The following DNAH1 variants were observed in gnomAD, a reference collection of about 807,000 sequenced individuals.
DNAH1 encodes the protein dynein axonemal heavy chain 1.
A neutral mutation model predicts 484.3 loss-of-function variants in DNAH1; 327 were observed. That is an observed-to-expected ratio of 0.68 (90% CI 0.62 to 0.74). The LOEUF is 0.74. Among genes scored for constraint, DNAH1 ranks in the 30% least tolerant of loss-of-function variants. The pLI is 0.00. For synonymous variants in DNAH1, 2,192 were observed against 2,191.9 expected (o/e 1.00, Z 0.00); for missense variants, 5,052 against 5,546.8 (o/e 0.91, Z 2.83).
chr3:52,374,593 G>A (rs995471176), intron 44 of DNAH1: 10 of 1,500,410 alleles, frequency 6.7e-6, no homozygotes, highest in Admixed American at 5.1e-5. Context: ...GTGGCAGAGC[G>A]AGCTCTCTAT....
intron 1 of DNAH1, among the ~76,000 whole-genome samples, chr3:52,320,580 A>C (rs1204233340): frequency 6.6e-6 from 1 of 152,086 alleles, no homozygotes; most frequent in Non-Finnish European, 1.5e-5. Flanking sequence ...CCCACTCCTC[A>C]AGTCAGTGCA....
At chr3:52,378,021 T>C (rs955645227) in intron 46 of DNAH1, among the ~76,000 whole-genome samples, 1 of 152,192 alleles carries the variant, frequency 6.6e-6, no homozygotes, top group African/African-American at 2.4e-5. Flanking sequence ...TCTTTCCATT[T>C]TCTCCACTTC....
At chr3:52,340,512 G>A (rs1201215013) in intron 8 of DNAH1, among the ~76,000 whole-genome samples, 1 of 151,870 alleles carries the variant, frequency 6.6e-6, no homozygotes, top group East Asian at 1.9e-4. Flanking sequence ...TCAGCTTACT[G>A]CAACCTCTGC....
At position 52,361,693 on chromosome 3, in the gene DNAH1, A is replaced by G. The variant is rs763319343; in HGVS notation, c.4907A>G (p.Asn1636Ser). ...AGAWACFDEF[N>S]RIDIEVLSVV... ...GCCTGGGCCTGCTTCGACGAGTTCA[A>G]TCGCATCGACATCGAGGTGCTGTCT... The change falls in exon 30 of 78, where the codon AAT (asparagine) becomes AGT (serine). Residue 1636 changes from asparagine to serine, a missense_variant. This residue lies in a region of DNAH1 where 2,929 missense variants were observed against 3,409.4 expected (regional missense o/e 0.86). Coordinates refer to ENST00000420323, the MANE Select transcript of DNAH1 (RefSeq NM_015512.5). The surrounding 1 kb of genome is among the most constrained non-coding windows in gnomAD (Gnocchi z 5.6). 16 of 1,610,964 alleles carry G rather than the reference A, an allele frequency of 9.9e-6. No homozygotes were observed. Among genetic ancestry groups the G allele is most frequent in the South Asian group, 2.2e-5 (2 of 90,206 alleles).
chr3:52,354,455 A>C (rs2153224107), intron 20 of DNAH1, among the ~76,000 whole-genome samples: 1 of 152,214 alleles, frequency 6.6e-6, no homozygotes, highest in South Asian at 2.1e-4. Flanking sequence ...CAACATGGTG[A>C]AACCCCATCT....
chr3:52,341,331 CT>C (rs1340420266), intron 8 of DNAH1, among the ~76,000 whole-genome samples: 2 of 152,104 alleles, frequency 1.3e-5, no homozygotes, highest in African/African-American at 4.8e-5. Flanking sequence ...TGTGGGGACT[CT>C]TGTGCAAGCG....
chr3:52,329,207 C>G (rs187232076), intron 6 of DNAH1, among the ~76,000 whole-genome samples: 41 of 152,250 alleles, frequency 2.7e-4, no homozygotes, highest in African/African-American at 8.7e-4. Flanking sequence ...CTGCTTACAC[C>G]CCTTCACATG....
rs747566072 is a variant in DNAH1 at position 52,363,064 on chromosome 3, T to C, written c.5164T>C (p.Phe1722Leu). The C allele has an allele frequency of 3.1e-6, 5 of 1,614,000 alleles. No individual in the cohort carries two copies. Among genetic ancestry groups the C allele is most frequent in the Non-Finnish European group, 4.2e-6 (5 of 1,179,870 alleles). The change falls in exon 32 of 78, where the codon TTT becomes CTT. Residue 1722 changes from phenylalanine to leucine, a missense_variant. By Grantham distance (22) the Phe-to-Leu change is conservative (BLOSUM62 0). Transcript: ENST00000420323. ...AMITEISLYS[F>L]GFNEASVLAK... ...GATCACTGAGATCTCCCTCTATTCC[T>C]TTGGCTTTAATGAGGCCAGTGTGCT...
intron 6 of DNAH1, among the ~76,000 whole-genome samples, chr3:52,330,541 C>G (rs1701505936): frequency 6.6e-6 from 1 of 152,246 alleles, no homozygotes; most frequent in Non-Finnish European, 1.5e-5. Context: ...CAGGAATAGC[C>G]AGACATCCAG....
intron 66 of DNAH1, among the ~76,000 whole-genome samples, 174 bp from the exon 67 acceptor site, chr3:52,394,291 A>G (rs561339558): frequency 6.8e-4 from 104 of 152,382 alleles, no homozygotes; most frequent in African/African-American, 2.4e-3. Context: ...AAGGGCACAC[A>G]GCCAGGAAAA....
rs1203332815 is a variant in DNAH1 at position 52,364,601 on chromosome 3, A to G, written c.5245-37A>G. On this transcript the variant is annotated intron_variant, in intron 32 of 77. Coordinates refer to ENST00000420323, the MANE Select transcript of DNAH1 (RefSeq NM_015512.5). The surrounding 1 kb of genome is among the most constrained non-coding windows in gnomAD (Gnocchi z 4.2). ...TTCCAGGCAGAAGCCTTGGAGAGGG[A>G]CAGTGCTCACCCATGCCTCCTTCTG... is the stretch of plus-strand genomic sequence containing the variant. 1 of 1,610,250 alleles carries G rather than the reference A, an allele frequency of 6.2e-7. No homozygotes were observed. Among genetic ancestry groups the G allele is most frequent in the Non-Finnish European group, 8.5e-7 (1 of 1,176,638 alleles).
At chr3:52,400,076 CTTGT>C (rs1225689153) in intron 77 of DNAH1, among the ~76,000 whole-genome samples, 3 of 152,214 alleles carry the variant, frequency 2.0e-5, no homozygotes, top group Non-Finnish European at 4.4e-5. Flanking sequence ...AGGGCAGGAA[CTTGT>C]TTGGACTAGG....
Position 52,379,076 on chromosome 3 carries a change from G to A in DNAH1, c.7377+296G>A, listed in dbSNP as rs1703727648. Among the ~76,000 whole-genome samples, 2 of 152,232 alleles carry A rather than the reference G, an allele frequency of 1.3e-5. No individual in the cohort carries two copies. Among genetic ancestry groups the A allele is most frequent in the African/African-American group, 4.8e-5 (2 of 41,458 alleles). ...TGTGAGAACGCTTGAGGGACAGTGAGCAGGGTGCCCTCTGGGAACCAAAAA... is the reference window on the plus strand; with the variant it reads ...TGTGAGAACGCTTGAGGGACAGTGAACAGGGTGCCCTCTGGGAACCAAAAA... On this transcript the variant is annotated intron_variant, in intron 47 of 77. Coordinates refer to ENST00000420323, the MANE Select transcript of DNAH1 (RefSeq NM_015512.5). This position sits in a 1 kb window ranked among gnomAD's most constrained non-coding sequence, Gnocchi z 4.4.
chr3:52,374,477 C>T (rs1365271046), intron 44 of DNAH1: 26 of 1,409,336 alleles, frequency 1.8e-5, no homozygotes, highest in South Asian at 6.9e-5. Context: ...TGTTCTTAAA[C>T]AAATTAGAAG....
chr3:52,341,337 C>T (rs949550674), intron 8 of DNAH1, among the ~76,000 whole-genome samples: 2 of 152,068 alleles, frequency 1.3e-5, no homozygotes, highest in African/African-American at 4.8e-5. Context: ...GACTCTTGTG[C>T]AAGCGATTTA....
chr3:52,349,385 A>T lies in DNAH1; in HGVS notation c.2491A>T (p.Ile831Phe), dbSNP rs781156403. Residue 831 changes from isoleucine to phenylalanine, a missense_variant, in exon 14 of 78, where the codon ATC becomes TTC. By Grantham distance (21) the Ile-to-Phe change is conservative. This residue lies in a region of DNAH1 where 1,263 missense variants were observed against 1,218.8 expected (regional missense o/e 1.04). Transcript: ENST00000420323. Reference sequence around the variant, plus strand: ...GGCCCTGGCCACTTCCGTGCTGGACATCCTTGCCAAGAACCTGCATAAGGA... The same window carrying T: ...GGCCCTGGCCACTTCCGTGCTGGACTTCCTTGCCAAGAACCTGCATAAGGA... ...RKALATSVLD[I>F]LAKNLHKEVD... is the part of the protein sequence containing the mutation. The T allele has an allele frequency of 6.2e-7, 1 of 1,613,954 alleles. No homozygotes were observed. Among genetic ancestry groups the T allele is most frequent in the South Asian group, 1.1e-5 (1 of 91,082 alleles).
At position 52,353,867 on chromosome 3, in the gene DNAH1, G is replaced by A. The variant is rs557565118; in HGVS notation, c.3480+234G>A. 4.9e-4 allele frequency: 287 copies of A among 587,542 alleles called. 1 individual carries two copies. The highest frequency in any genetic ancestry group is 7.2e-4 in the South Asian group (36 of 50,064). The allele number at this position is 587,542 out of a possible 1,614,324, so 36.4% of individuals were successfully genotyped here. On this transcript the variant is annotated intron_variant, in intron 20 of 77. Transcript: ENST00000420323. The surrounding 1 kb of genome is among the most constrained non-coding windows in gnomAD (Gnocchi z 5.0). ...TCAGTTACTCCTCTCAAGAGCCCCA[G>A]GAAGGAGCTAATAGCATTAGCCTCA... is the stretch of plus-strand genomic sequence containing the variant.
At position 52,386,633 on chromosome 3, in the gene DNAH1, T is replaced by A. The variant is rs756385401; in HGVS notation, c.8812-29T>A. On this transcript the variant is annotated intron_variant, in intron 55 of 77. Transcript: ENST00000420323. ...CCGAGGGGTGCCCACTGGGTCTGAG[T>A]CTTCCCCACTTGGTGGCTGGGCCTG... The A allele has an allele frequency of 2.6e-6, 4 of 1,532,918 alleles. No individual in the cohort carries two copies. The South Asian group carries it at 3.7e-5, about 14-fold the overall frequency. 95.0% of individuals were successfully genotyped at this position (1,532,918 alleles called of 1,614,324 possible).
At chr3:52,388,359 G>C in intron 57 of DNAH1, 25 bp downstream of exon 57, 1 of 1,600,108 alleles carries the variant, frequency 6.2e-7, no homozygotes, top group African/African-American at 1.3e-5. Flanking sequence ...GAGCTGGTGG[G>C]GGAGGGCTCC....
Sources: gnomAD v4.1 joint callset for allele counts (sites outside exome capture counted in the v4.1 genomes callset) on GRCh38, gnomAD v4.1.1 for gene constraint, gnomAD v4.1.1 regional missense constraint, Gnocchi (gnomAD v3.1) non-coding constraint, MANE v1.5 for transcripts, NCBI Gene and HGNC (gene_info 2026-07-23, HGNC 2026-07-21) for gene names.